TRAF3IP1: variants seen among roughly 807,000 people sequenced by gnomAD.
TRAF3IP1 encodes TRAF3-interacting protein 1.
A neutral mutation model predicts 89.9 loss-of-function variants in TRAF3IP1; 53 were observed. That is an observed-to-expected ratio of 0.59 (90% confidence interval 0.47 to 0.74). The LOEUF (loss-of-function observed/expected upper bound fraction) is 0.74. Ranked by LOEUF, TRAF3IP1 falls within the 30% of genes least tolerant of loss-of-function variation. The pLI, the probability that TRAF3IP1 is intolerant of heterozygous loss-of-function variation, is 0.00. For synonymous variants in TRAF3IP1, 311 were observed against 322.1 expected, an observed-to-expected ratio of 0.97 and a Z score of 0.37; for missense variants, 806 against 866.1, an observed-to-expected ratio of 0.93 and a Z score of 0.87.
rs1020886871 is a variant in TRAF3IP1, at chr2:238,400,588, T to G, written c.*1669T>G. The G allele has an allele frequency of 1.3e-5, 2 of 152,224 alleles. No individual in the cohort carries two copies. The highest frequency in any genetic ancestry group is 2.9e-5 in the Non-Finnish European group (2 of 68,044). The allele number at this position is 152,224 out of a possible 1,614,324, so 9.4% of individuals were successfully genotyped here. A position where few individuals can be genotyped will look rare whatever the true frequency, so the allele number is the denominator to read the frequency against. ...CTATAGTGCACCATAAAATTCTGTT[T>G]GATCAGATTATATTACATACATTTT... On this transcript the variant is annotated 3_prime_UTR_variant, in exon 17 of 17. Coordinates refer to ENST00000373327, the MANE Select transcript of TRAF3IP1 (RefSeq NM_015650.4).
chr2:238,350,298 A>G (rs1023449502), intron 12 of TRAF3IP1, among the ~76,000 whole-genome samples: 4 of 152,106 alleles, frequency 2.6e-5, no homozygotes, highest in African/African-American at 9.7e-5. Context: ...GAAAGGGGAA[A>G]TTGATGACGT....
chr2:238,344,783 T>A (rs1354947663), intron 9 of TRAF3IP1, 185 bp downstream of exon 9: 2 of 690,124 alleles, frequency 2.9e-6, no homozygotes, highest in Non-Finnish European at 5.3e-6. Flanking sequence ...GGTTTCTTGA[T>A]AGCATGGGAC....
intron 8 of TRAF3IP1, 93 bp from the exon 9 acceptor site, chr2:238,344,400 CATAG>C: frequency 1.0e-6 from 1 of 960,976 alleles, no homozygotes. Flanking sequence ...TGTGGGAAAA[CATAG>C]ATAAGTAAGT....
intron 15 of TRAF3IP1, among the ~76,000 whole-genome samples, chr2:238,376,580 T>C (rs1279998996): frequency 6.6e-6 from 1 of 152,268 alleles, no homozygotes; most frequent in Non-Finnish European, 1.5e-5. Flanking sequence ...AACAAAACTA[T>C]CTCTCCATTT....
At chr2:238,363,764 A>G (rs1222393012) in intron 15 of TRAF3IP1, among the ~76,000 whole-genome samples, 2 of 152,178 alleles carry the variant, frequency 1.3e-5, no homozygotes, top group Non-Finnish European at 2.9e-5. Context: ...GTTCAAGACT[A>G]GCCTGGCCAA....
rs1480351786 is a variant in TRAF3IP1 at position 238,399,855 on chromosome 2, T to C, written c.*936T>C. ...CGTTTTTTGATGTTAGCCATTTTTT[T>C]GGAAATTGTTTTTTAAAGCAAAAGT... On this transcript the variant is annotated 3_prime_UTR_variant, in exon 17 of 17. Coordinates refer to ENST00000373327, the MANE Select transcript of TRAF3IP1 (RefSeq NM_015650.4). 6.6e-6 allele frequency: 1 copy of C among 152,212 alleles called. No individual in the cohort carries two copies. Among genetic ancestry groups the C allele is most frequent in the Non-Finnish European group, 1.5e-5 (1 of 68,044 alleles). The allele number at this position is 152,212 out of a possible 1,614,324, so 9.4% of individuals were successfully genotyped here.
At chr2:238,349,463 A>T in intron 12 of TRAF3IP1, 55 bp downstream of exon 12, 4 of 1,551,360 alleles carry the variant, frequency 2.6e-6, no homozygotes, top group Non-Finnish European at 3.5e-6. Context: ...TCCAGTGGGC[A>T]TGGTGCCTCC....
At chr2:238,346,689 C>T (rs371425407) in intron 9 of TRAF3IP1, among the ~76,000 whole-genome samples, 3 of 152,304 alleles carry the variant, frequency 2.0e-5, no homozygotes, top group African/African-American at 4.8e-5. Flanking sequence ...GAGGCGGGGC[C>T]GTGTTAAACG....
At chr2:238,384,539 A>ATT (rs35203636) in intron 15 of TRAF3IP1, among the ~76,000 whole-genome samples, 1 of 119,904 alleles carries the variant, frequency 8.3e-6, no homozygotes, top group Non-Finnish European at 1.7e-5. Context: ...CGCCTGGCTA[A>ATT]TTTTTTTTTT....
chr2:238,360,837 G>A (rs973647865), intron 15 of TRAF3IP1, among the ~76,000 whole-genome samples: 3 of 151,892 alleles, frequency 2.0e-5, no homozygotes, highest in Admixed American at 6.6e-5. Flanking sequence ...CCGAGATTGC[G>A]CCACTGCACT....
chr2:238,344,028 A>C (rs1269462410), intron 8 of TRAF3IP1, among the ~76,000 whole-genome samples: 1 of 151,920 alleles, frequency 6.6e-6, no homozygotes, highest in Non-Finnish European at 1.5e-5. Context: ...TAAACTTTGG[A>C]ACATCAGTCA....
At chr2:238,372,403 A>C (rs1574954192) in intron 15 of TRAF3IP1, among the ~76,000 whole-genome samples, 1 of 152,154 alleles carries the variant, frequency 6.6e-6, no homozygotes, top group Non-Finnish European at 1.5e-5. Context: ...TCCTTGTGAT[A>C]GTTTGCTTAG....
Position 238,385,192 on chromosome 2 carries a change from T to C in TRAF3IP1, c.1690-12267T>C, listed in dbSNP as rs1333641110. On this transcript the variant is annotated intron_variant, in intron 15 of 16. Transcript: ENST00000373327. ...CACCACGCCCGGCTAATTTTTTGTA[T>C]TTTTAGTAGAGACAGGGGTTTCACC... Among the ~76,000 whole-genome samples the C allele has an allele frequency of 2.0e-5, 3 of 152,170 alleles. No individual in the cohort carries two copies. In the East Asian group the frequency reaches 5.8e-4, roughly 29 times the overall value.
chr2:238,379,781 A>G lies in TRAF3IP1; in HGVS notation c.1690-17678A>G, dbSNP rs1429454030. 1.3e-5 allele frequency among the ~76,000 whole-genome samples: 2 copies of G among 152,334 alleles called. No individual in the cohort carries two copies. The highest frequency in any genetic ancestry group is 3.9e-4 in the East Asian group (2 of 5,192). On this transcript the variant is annotated intron_variant, in intron 15 of 16. Transcript: ENST00000373327. This position sits in a 1 kb window ranked among gnomAD's most constrained non-coding sequence, Gnocchi z 4.0. Reference sequence around the variant, plus strand: ...GAATTTAGAAGGCAAAATGTGTAATAATAACACTGGAGCCAGAATGATAAG... The same window carrying G: ...GAATTTAGAAGGCAAAATGTGTAATGATAACACTGGAGCCAGAATGATAAG...
intron 15 of TRAF3IP1, among the ~76,000 whole-genome samples, chr2:238,394,581 A>T (rs1180197007): frequency 6.6e-6 from 1 of 152,188 alleles, no homozygotes; most frequent in Non-Finnish European, 1.5e-5. Flanking sequence ...TGCAGTGTCC[A>T]TGTTTTCATT....
chr2:238,339,100 T>C (rs1408433077), intron 8 of TRAF3IP1, among the ~76,000 whole-genome samples: 2 of 152,220 alleles, frequency 1.3e-5, no homozygotes, highest in African/African-American at 4.8e-5. Context: ...CAACTTGCCT[T>C]GTATCTGTCT....
chr2:238,346,226 C>T (rs1698887920), intron 9 of TRAF3IP1, among the ~76,000 whole-genome samples: 1 of 152,156 alleles, frequency 6.6e-6, no homozygotes, highest in South Asian at 2.1e-4. Context: ...CCAGCAGTCC[C>T]ATCCCAGGGT....
At chr2:238,382,302 C>T (rs1203021945) in intron 15 of TRAF3IP1, among the ~76,000 whole-genome samples, 1 of 152,122 alleles carries the variant, frequency 6.6e-6, no homozygotes, top group East Asian at 1.9e-4. Context: ...CAATATGATA[C>T]TGAGACACAT....
intron 2 of TRAF3IP1, 39 bp downstream of exon 2, chr2:238,325,413 T>C (rs1255264315): frequency 1.2e-6 from 2 of 1,607,564 alleles, no homozygotes; most frequent in Admixed American, 3.3e-5. Flanking sequence ...ACTCCTCGCC[T>C]TAACGGATGG....
Sources: allele counts gnomAD v4.1 joint callset (sites outside exome capture counted in the v4.1 genomes callset), GRCh38; gene constraint gnomAD v4.1.1; non-coding constraint Gnocchi (gnomAD v3.1); transcripts MANE v1.5; gene names NCBI Gene and HGNC (gene_info 2026-07-23, HGNC 2026-07-21).